The following NFYB variants were observed in gnomAD, a reference collection of about 807,000 sequenced individuals.
NFYB encodes the protein nuclear transcription factor Y subunit beta.
A neutral mutation model predicts 28.0 loss-of-function variants in NFYB; 13 were observed. That is an observed-to-expected ratio of 0.46 (90% CI 0.30 to 0.74). The LOEUF is 0.74. Among genes scored for constraint, NFYB ranks in the 30% least tolerant of loss-of-function variants. The pLI is 0.07. For missense variants in NFYB, 142 were observed against 247.6 expected (o/e 0.57, Z 2.86); for synonymous variants, 74 against 75.0 (o/e 0.99, Z 0.07).
chr12:104,125,900 C>CCAATAAGTG lies in NFYB; in HGVS notation c.231+205_231+213dup, dbSNP rs550945268. On this transcript the variant is annotated intron_variant, in intron 4 of 7. Transcript: ENST00000240055. ...AGTCTAAATTCTATTTTATCTGCCT[C>CCAATAAGTG]CAATAAGTGGGAGAGAGGAGAACAT... Among the ~76,000 whole-genome samples, 17 of 150,408 alleles carry CCAATAAGTG rather than the reference C, an allele frequency of 1.1e-4. No homozygotes were observed. In the South Asian group the frequency reaches 3.6e-3, roughly 32 times the overall value.
chr12:104,124,591 T>C (rs2030610620), intron 4 of NFYB, among the ~76,000 whole-genome samples: 1 of 152,312 alleles, frequency 6.6e-6, no homozygotes, highest in Admixed American at 6.5e-5. Flanking sequence ...AAATTAATTT[T>C]AATATATTTA....
intron 4 of NFYB, among the ~76,000 whole-genome samples, chr12:104,123,843 TG>T (rs925738712): frequency 6.6e-6 from 1 of 151,912 alleles, no homozygotes; most frequent in African/African-American, 2.4e-5. Flanking sequence ...TGCCTGTAAT[TG>T]CTGCTACTCA....
At chr12:104,136,414 G>A (rs558187511) in intron 1 of NFYB, among the ~76,000 whole-genome samples, 1 of 152,298 alleles carries the variant, frequency 6.6e-6, no homozygotes, top group Admixed American at 6.5e-5. Context: ...CCACTGAATT[G>A]AAAGTTTTTA....
At position 104,118,909 on chromosome 12, in the gene NFYB, A is replaced by G. The variant is rs1371107773; in HGVS notation, c.*828T>C. On this transcript the variant is annotated 3_prime_UTR_variant, in exon 8 of 8. Transcript: ENST00000240055. ...CTCTTCTGTAAGAGAATACTATAGT[A>G]CTTGAAGATATGATTTGAAAAAAAA... is the stretch of plus-strand genomic sequence containing the variant. The G allele has an allele frequency of 6.6e-6, 1 of 152,234 alleles. No individual in the cohort carries two copies. The highest frequency in any genetic ancestry group is 2.4e-5 in the African/African-American group (1 of 41,464). The allele number at this position is 152,234 out of a possible 1,614,324, so 9.4% of individuals were successfully genotyped here. A position where few individuals can be genotyped will look rare whatever the true frequency, so the allele number is the denominator to read the frequency against.
chr12:104,133,443 C>A (rs2030995203), intron 2 of NFYB, among the ~76,000 whole-genome samples: 1 of 152,124 alleles, frequency 6.6e-6, no homozygotes, highest in Non-Finnish European at 1.5e-5. Flanking sequence ...AAGAAGTGCA[C>A]CCTGGACGAC....
chr12:104,137,879 C>T (rs1291986479), intron 1 of NFYB: 1 of 146,760 alleles, frequency 6.8e-6, no homozygotes, highest in Non-Finnish European at 1.5e-5. Flanking sequence ...GTGAGGTGGC[C>T]TGGCCCGCGT....
At chr12:104,126,347 T>G (rs2030714778) in intron 3 of NFYB, 103 bp from the exon 4 acceptor site, 1 of 844,330 alleles carries the variant, frequency 1.2e-6, no homozygotes, top group Non-Finnish European at 1.7e-6. Context: ...CTGGTTCACC[T>G]CTTAACCATT....
chr12:104,135,856 A>G (rs979752589), intron 1 of NFYB, among the ~76,000 whole-genome samples: 3 of 152,222 alleles, frequency 2.0e-5, no homozygotes, highest in African/African-American at 7.2e-5. Context: ...GGACCAAATT[A>G]TATAATATGC....
At chr12:104,126,281 A>C (rs376465528) in intron 3 of NFYB, 37 bp from the exon 4 acceptor site, 36 of 1,430,568 alleles carry the variant, frequency 2.5e-5, no homozygotes, top group Non-Finnish European at 3.3e-5. Flanking sequence ...AAAGCTTCTT[A>C]TTATTTCTAT....
At chr12:104,132,286 G>GA (rs1363528663) in intron 2 of NFYB, among the ~76,000 whole-genome samples, 13 of 152,120 alleles carry the variant, frequency 8.5e-5, no homozygotes, top group African/African-American at 3.1e-4. Flanking sequence ...TCTAGGCAGA[G>GA]AAAACCAAGA....
chr12:104,127,630 T>C (rs964804334), intron 3 of NFYB, among the ~76,000 whole-genome samples: 1 of 142,016 alleles, frequency 7.0e-6, no homozygotes, highest in South Asian at 2.3e-4. Flanking sequence ...GCCACAAAAG[T>C]AAATTATTTC....
chr12:104,131,362 C>A (rs550326579), intron 2 of NFYB: 1 of 186,496 alleles, frequency 5.4e-6, no homozygotes, highest in African/African-American at 2.4e-5. Context: ...GTCTTCAGTT[C>A]TGCAAGTTTT....
At position 104,119,010 on chromosome 12, in the gene NFYB, T is replaced by G. The variant is rs2030366601; in HGVS notation, c.*727A>C. 1 of 152,346 alleles carries G rather than the reference T, an allele frequency of 6.6e-6. No individual in the cohort carries two copies. The highest frequency in any genetic ancestry group is 1.9e-4 in the East Asian group (1 of 5,190). The allele number at this position is 152,346 out of a possible 1,614,324, so 9.4% of individuals were successfully genotyped here. The stretch of plus-strand genomic sequence containing the variant: ...AAACTTAAATATATTCCCACATTCT[T>G]AAAAATGTAACTCAAAACCAAATCT... On this transcript the variant is annotated 3_prime_UTR_variant, in exon 8 of 8. Transcript: ENST00000240055.
chr12:104,127,567 C>CA (rs1262201928), intron 3 of NFYB, among the ~76,000 whole-genome samples: 101 of 116,224 alleles, frequency 8.7e-4, no homozygotes, highest in African/African-American at 3.0e-3. Context: ...GACTCCATCT[C>CA]AAAAAAAATA....
chr12:104,123,465 TCACCTTC>T, intron 4 of NFYB, 42 bp from the exon 5 acceptor site: 1 of 1,539,476 alleles, frequency 6.5e-7, no homozygotes, highest in South Asian at 1.1e-5. Context: ...ACTATAACCA[TCACCTTC>T]CTAACAACCT....
rs2030383498 is a variant in NFYB, at chr12:104,119,476, GA to G, written c.*260del. 2 of 349,960 alleles carry G rather than the reference GA, an allele frequency of 5.7e-6. No individual in the cohort carries two copies. Among genetic ancestry groups the G allele is most frequent in the Non-Finnish European group, 1.1e-5 (2 of 190,162 alleles). 21.7% of individuals were successfully genotyped at this position (349,960 alleles called of 1,614,324 possible). On this transcript the variant is annotated 3_prime_UTR_variant, in exon 8 of 8. Coordinates refer to ENST00000240055, the MANE Select transcript of NFYB (RefSeq NM_006166.4). ...AAATTGCAATATACAATGCATACAG[GA>G]GTCATACAGAGCAACAAACTCTCGT... is the stretch of plus-strand genomic sequence containing the variant.
intron 2 of NFYB, among the ~76,000 whole-genome samples, chr12:104,132,693 G>A (rs769676801): frequency 5.9e-5 from 9 of 152,192 alleles, no homozygotes; most frequent in South Asian, 2.1e-4. Flanking sequence ...AGCTGTCACC[G>A]CAGAGAATGG....
intron 3 of NFYB, among the ~76,000 whole-genome samples, chr12:104,126,459 C>T (rs535763019): frequency 1.3e-5 from 2 of 152,166 alleles, no homozygotes; most frequent in East Asian, 3.9e-4. Context: ...CACTTTTTAT[C>T]CTCAAATATA....
At chr12:104,124,248 TG>T (rs1311551433) in intron 4 of NFYB, among the ~76,000 whole-genome samples, 2 of 152,228 alleles carry the variant, frequency 1.3e-5, no homozygotes, top group Non-Finnish European at 2.9e-5. Context: ...TTTTATTATT[TG>T]GGATACACAG....
Sources: allele counts gnomAD v4.1 joint callset (sites outside exome capture counted in the v4.1 genomes callset), GRCh38; gene constraint gnomAD v4.1.1; transcripts MANE v1.5; gene names NCBI Gene and HGNC (gene_info 2026-07-23, HGNC 2026-07-21).